The following MOB3A variants were observed in gnomAD, a reference collection of about 807,000 sequenced individuals.
MOB3A encodes MOB kinase activator 3A.
In MOB3A, 17 loss-of-function variants were observed where a neutral mutation model predicts 17.8. The ratio of observed to expected loss-of-function variants is 0.95; its 90% CI spans 0.65 to 1.43. The LOEUF (loss-of-function observed/expected upper bound fraction) is 1.43, where lower values mean the gene tolerates loss of function less well. Among genes scored for constraint, MOB3A ranks in the 40% most tolerant of loss-of-function variants. MOB3A has a pLI of 0.00. For missense variants in MOB3A, 333 were observed against 310.8 expected (o/e 1.07, Z -0.54); for synonymous variants, 124 against 133.2 (o/e 0.93, Z 0.48).
intron 2 of MOB3A, among the ~76,000 whole-genome samples, chr19:2,080,469 C>T (rs752550882): frequency 6.6e-6 from 1 of 152,114 alleles, no homozygotes; most frequent in Non-Finnish European, 1.5e-5. Flanking sequence ...CCTCCACCTC[C>T]CGGGTTCACG....
At position 2,072,116 on chromosome 19, in the gene MOB3A, T is replaced by G. The variant is rs1339925490; in HGVS notation, c.*1279A>C. 1 of 151,300 alleles carries G rather than the reference T, an allele frequency of 6.6e-6. No individual in the cohort carries two copies. Among genetic ancestry groups the G allele is most frequent in the Non-Finnish European group, 1.5e-5 (1 of 67,848 alleles). 9.4% of individuals were successfully genotyped at this position (151,300 alleles called of 1,614,324 possible). A position where few individuals can be genotyped will look rare whatever the true frequency, so the allele number is the denominator to read the frequency against. On this transcript the variant is annotated 3_prime_UTR_variant, in exon 5 of 5. Coordinates refer to ENST00000357066, the MANE Select transcript of MOB3A (RefSeq NM_130807.3). ...ATGGCGTGAATCTGGGAGGCGGAGC[T>G]TGCAGTGAGCCGAGATCCCACCACT...
At chr19:2,091,455 C>A (rs994056673) in intron 1 of MOB3A, among the ~76,000 whole-genome samples, 20 of 152,054 alleles carry the variant, frequency 1.3e-4, no homozygotes, top group African/African-American at 4.6e-4. Flanking sequence ...GCAATCTCGG[C>A]TCACTGCAAG....
At chr19:2,073,916 A>G (rs1434813307) in intron 4 of MOB3A, among the ~76,000 whole-genome samples, 4 of 152,262 alleles carry the variant, frequency 2.6e-5, no homozygotes, top group Admixed American at 2.6e-4. Flanking sequence ...CTGTAATCCC[A>G]GCTACTCAGG....
At position 2,078,408 on chromosome 19, in the gene MOB3A, C is replaced by G; in HGVS notation, c.153G>C (p.Leu51Phe). ...AGTCGTTCAGGTCCTCGCCCGGGGG[C>G]AACTGCACGGCCAGCCGCAGGTCCA... ...AGLDLRLAVQ[L>F]PPGEDLNDWV... Residue 51 changes from leucine to phenylalanine, a missense_variant, in exon 3 of 5, where the codon TTG becomes TTC. Transcript: ENST00000357066. 6.2e-7 allele frequency: 1 copy of G among 1,614,068 alleles called. No individual in the cohort carries two copies. Among genetic ancestry groups the G allele is most frequent in the Non-Finnish European group, 8.5e-7 (1 of 1,179,994 alleles).
intron 2 of MOB3A, among the ~76,000 whole-genome samples, chr19:2,083,259 C>T (rs975107717): frequency 5.9e-5 from 9 of 152,198 alleles, no homozygotes; most frequent in Non-Finnish European, 1.0e-4. Flanking sequence ...CCCCCGGGGC[C>T]GGGGAGCCCG....
At chr19:2,078,094 T>C in intron 3 of MOB3A, 46 bp downstream of exon 3, 1 of 1,502,052 alleles carries the variant, frequency 6.7e-7, no homozygotes, top group Non-Finnish European at 8.9e-7. Context: ...TCCCTGACTT[T>C]TCTGGAAGGC....
At chr19:2,087,836 C>G (rs8110291) in intron 1 of MOB3A, among the ~76,000 whole-genome samples, 32,838 of 152,164 alleles carry the variant, frequency 0.22, 3,706 homozygotes, top group South Asian at 0.24. Flanking sequence ...GGGCCACACT[C>G]CTTTCACGGA....
rs2017638498 is a variant in MOB3A, at chr19:2,093,777, G to A, written c.-274+2449C>T. ...GGAGCTGGGAAGGGTGCAGTGGAAC[G>A]GGTGTTGCTTGAGGTGGGTGCCTGT... is the stretch of plus-strand genomic sequence containing the variant. On this transcript the variant is annotated intron_variant, in intron 1 of 4. Transcript: ENST00000357066. This position sits in a 1 kb window ranked among gnomAD's most constrained non-coding sequence, Gnocchi z 4.6. Among the ~76,000 whole-genome samples the A allele has an allele frequency of 6.6e-6, 1 of 152,194 alleles. No homozygotes were observed. The highest frequency in any genetic ancestry group is 2.1e-4 in the South Asian group (1 of 4,834).
At position 2,078,512 on chromosome 19, in the gene MOB3A, G is replaced by A. The variant is rs769117561; in HGVS notation, c.49C>T (p.Arg17Cys). 13 of 1,602,666 alleles carry A rather than the reference G, an allele frequency of 8.1e-6. No individual in the cohort carries two copies. Among genetic ancestry groups the A allele is most frequent in the African/African-American group, 4.0e-5 (3 of 74,628 alleles). ...CCTGGCTCAAACTTGCGCTTGGGGCGGAATGTCTTGTCCTTGTTGAAGACT... is the reference window on the plus strand; with the variant it reads ...CCTGGCTCAAACTTGCGCTTGGGGCAGAATGTCTTGTCCTTGTTGAAGACT... ...KQVFNKDKTF[R>C]PKRKFEPGTQ... Residue 17 changes from arginine (R) to cysteine (C), a missense_variant, in exon 3 of 5, where the codon CGC (arginine) becomes TGC (cysteine). Coordinates refer to ENST00000357066, the MANE Select transcript of MOB3A (RefSeq NM_130807.3).
rs1206538294 is a variant in MOB3A at position 2,071,633 on chromosome 19, AG to A, written c.*1761del. 1 of 152,250 alleles carries A rather than the reference AG, an allele frequency of 6.6e-6. No individual in the cohort carries two copies. The highest frequency in any genetic ancestry group is 1.5e-5 in the Non-Finnish European group (1 of 68,148). 9.4% of individuals were successfully genotyped at this position (152,250 alleles called of 1,614,324 possible). On this transcript the variant is annotated 3_prime_UTR_variant, in exon 5 of 5. Coordinates refer to ENST00000357066, the MANE Select transcript of MOB3A (RefSeq NM_130807.3). ...GGAGAGGAGGTGGCTGCCTTTTCTCAGGGCCCTGCTCTCACCTTCCAAAGGT... is the reference window on the plus strand; with the variant it reads ...GGAGAGGAGGTGGCTGCCTTTTCTCAGGCCCTGCTCTCACCTTCCAAAGGT...
intron 1 of MOB3A, among the ~76,000 whole-genome samples, chr19:2,087,352 C>T (rs1299690566): frequency 1.3e-5 from 2 of 152,212 alleles, no homozygotes; most frequent in Non-Finnish European, 2.9e-5. Context: ...ACACTTTCCT[C>T]ACCCCTAAAA....
intron 1 of MOB3A, among the ~76,000 whole-genome samples, chr19:2,090,478 G>T (rs538620405): frequency 2.8e-4 from 42 of 152,182 alleles, no homozygotes; most frequent in African/African-American, 9.6e-4. Flanking sequence ...CTCCTGGCAT[G>T]GAGTGGGTGG....
chr19:2,085,954 ACT>A (rs372325599), intron 1 of MOB3A, among the ~76,000 whole-genome samples: 6,960 of 96,214 alleles, frequency 0.072, 260 homozygotes, highest in Middle Eastern at 0.11. Context: ...ACAGAGCAAG[ACT>A]CTGTCTCAAA....
rs766130841 is a variant in MOB3A at position 2,074,344 on chromosome 19, G to A, written c.625-920C>T. Among the ~76,000 whole-genome samples the A allele has an allele frequency of 2.0e-5, 3 of 151,860 alleles. No homozygotes were observed. In the South Asian group the frequency reaches 6.2e-4, roughly 31 times the overall value. ...AGTTTGCTGATCCCTGTCTTATACA[G>A]ACTGGGACACTAGAAGGAAAGTTCT... is the stretch of plus-strand genomic sequence containing the variant. On this transcript the variant is annotated intron_variant, in intron 4 of 4. Transcript: ENST00000357066.
chr19:2,077,023 G>A lies in MOB3A; in HGVS notation c.422-10C>T. 1 of 1,610,958 alleles carries A rather than the reference G, an allele frequency of 6.2e-7. No individual in the cohort carries two copies. Among genetic ancestry groups the A allele is most frequent in the Non-Finnish European group, 8.5e-7 (1 of 1,178,942 alleles). ...TTGGGAAACGGAGTGCCTGCAGGGAGAGGGGTGGGACGGGTCCACGGACTC... is the reference window on the plus strand; with the variant it reads ...TTGGGAAACGGAGTGCCTGCAGGGAAAGGGGTGGGACGGGTCCACGGACTC... On this transcript the variant is annotated splice_polypyrimidine_tract_variant and intron_variant, in intron 3 of 4. Transcript: ENST00000357066.
intron 2 of MOB3A, among the ~76,000 whole-genome samples, chr19:2,081,207 A>T (rs1201379736): frequency 1.3e-5 from 2 of 152,126 alleles, no homozygotes; most frequent in African/African-American, 4.8e-5. Flanking sequence ...CAGTCAACAG[A>T]ACGGCCCCCA....
rs1224775616 is a variant in MOB3A at position 2,078,661 on chromosome 19, C to G, written c.-101G>C. The G allele has an allele frequency of 2.6e-6, 3 of 1,176,244 alleles. No homozygotes were observed. The Admixed American group carries it at 7.4e-5, about 29-fold the overall frequency. The allele number at this position is 1,176,244 out of a possible 1,614,324, so 72.9% of individuals were successfully genotyped here. ...GAGGCCACGAAACACTCACCAAGCC[C>G]CACAGCTCTCCCGCGGACCTGAAAT... On this transcript the variant is annotated 5_prime_UTR_variant, in exon 3 of 5. Coordinates refer to ENST00000357066, the MANE Select transcript of MOB3A (RefSeq NM_130807.3).
intron 2 of MOB3A, 25 bp from the exon 3 acceptor site, chr19:2,078,704 C>T (rs2017450176): frequency 2.6e-6 from 2 of 770,882 alleles, no homozygotes; most frequent in Non-Finnish European, 4.0e-6. Context: ...GGAATCATGA[C>T]CTGCTGGAGG....
In MOB3A at chr19:2,082,288, G is replaced by A. The variant is rs1172798924; in HGVS notation, c.-120+2887C>T. ...CATCGGGGTTGGATCGTTCTCTGGGGTGGGGCCGTCAGGGGCACTGCAAGG... is the reference window on the plus strand; with the variant it reads ...CATCGGGGTTGGATCGTTCTCTGGGATGGGGCCGTCAGGGGCACTGCAAGG... On this transcript the variant is annotated intron_variant, in intron 2 of 4. Coordinates refer to ENST00000357066, the MANE Select transcript of MOB3A (RefSeq NM_130807.3). The surrounding 1 kb of genome is among the most constrained non-coding windows in gnomAD (Gnocchi z 4.1). 1.3e-5 allele frequency among the ~76,000 whole-genome samples: 2 copies of A among 152,232 alleles called. No homozygotes were observed. Among genetic ancestry groups the A allele is most frequent in the Non-Finnish European group, 1.5e-5 (1 of 68,050 alleles).
Sources: gnomAD v4.1 joint callset for allele counts (sites outside exome capture counted in the v4.1 genomes callset) on GRCh38, gnomAD v4.1.1 for gene constraint, Gnocchi (gnomAD v3.1) non-coding constraint, MANE v1.5 for transcripts, NCBI Gene and HGNC (gene_info 2026-07-23, HGNC 2026-07-21) for gene names.